Variants in JAG1 observed in about 807,000 individuals in gnomAD.
The protein encoded by JAG1 is jagged canonical Notch ligand 1, also known as protein jagged-1.
Under a neutral mutation model 148.7 loss-of-function variants are expected in JAG1, and 23 were observed. That is an observed-to-expected ratio of 0.15 (90% confidence interval 0.11 to 0.22). The LOEUF (loss-of-function observed/expected upper bound fraction) is 0.22, where lower values mean the gene tolerates loss of function less well. JAG1 is among the 10% of genes least tolerant of loss of function. JAG1 has a pLI of 1.00. For missense variants in JAG1, 1,054 were observed against 1,611.2 expected, an observed-to-expected ratio of 0.65 and a Z score of 5.92; for synonymous variants, 572 against 598.3, an observed-to-expected ratio of 0.96 and a Z score of 0.64.
intron 2 of JAG1, among the ~76,000 whole-genome samples, chr20:10,668,298 C>A (rs1489116217): frequency 6.6e-6 from 1 of 152,014 alleles, no homozygotes; most frequent in African/African-American, 2.4e-5. Flanking sequence ...TATCTTCCAA[C>A]AGTTGGAAGA....
chr20:10,667,903 G>A (rs2067466163), intron 2 of JAG1, among the ~76,000 whole-genome samples: 2 of 152,108 alleles, frequency 1.3e-5, no homozygotes, highest in South Asian at 4.1e-4. Context: ...CAACGGTCTG[G>A]TTCACACAGA....
Position 10,638,366 on chromosome 20 carries a change from A to C in JAG1, c.*1132T>G, listed in dbSNP as rs7828. ...GAAAAGAAATCAGAATTTACAAAGTAAGATTGGTGTGCTTCCAAGTTCACA... is the reference window on the plus strand; with the variant it reads ...GAAAAGAAATCAGAATTTACAAAGTCAGATTGGTGTGCTTCCAAGTTCACA... On this transcript the variant is annotated 3_prime_UTR_variant, in exon 26 of 26. Coordinates refer to ENST00000254958, the MANE Select transcript of JAG1 (RefSeq NM_000214.3). 0.27 allele frequency: 41,420 copies of C among 152,576 alleles called. 6,308 individuals are homozygous for C. Among genetic ancestry groups the C allele is most frequent in the Middle Eastern group, 0.34 (100 of 294 alleles). 9.5% of individuals were successfully genotyped at this position (152,576 alleles called of 1,614,324 possible). A position where few individuals can be genotyped will look rare whatever the true frequency, so the allele number is the denominator to read the frequency against.
intron 2 of JAG1, among the ~76,000 whole-genome samples, chr20:10,669,531 G>T (rs1452430493): frequency 1.1e-5 from 1 of 88,354 alleles, no homozygotes; most frequent in Non-Finnish European, 2.1e-5. Context: ...GAAGAATCAC[G>T]TTTCATTGGA....
At chr20:10,667,265 G>C (rs1467588037) in intron 2 of JAG1, among the ~76,000 whole-genome samples, 1 of 152,234 alleles carries the variant, frequency 6.6e-6, no homozygotes, top group South Asian at 2.1e-4. Context: ...AATGCCCGAC[G>C]TGCCAACGCG....
chr20:10,641,907 C>T lies in JAG1; in HGVS notation c.2573-15G>A, dbSNP rs753341715. ...TCTCCCTGAAACTGACAGGTGGAGACGGGTGAGCAGTTTATTTTTCTGTGA... is the reference window on the plus strand; with the variant it reads ...TCTCCCTGAAACTGACAGGTGGAGATGGGTGAGCAGTTTATTTTTCTGTGA... On this transcript the variant is annotated splice_polypyrimidine_tract_variant and intron_variant, in intron 21 of 25. Transcript: ENST00000254958. The T allele has an allele frequency of 1.2e-5, 18 of 1,536,612 alleles. No individual in the cohort carries two copies. Among genetic ancestry groups the T allele is most frequent in the Admixed American group, 1.0e-4 (6 of 59,904 alleles).
Position 10,648,070 on chromosome 20 carries a change from C to A in JAG1, c.1610G>T (p.Gly537Val), listed in dbSNP as rs1251308431. The A allele has an allele frequency of 2.5e-6, 4 of 1,614,018 alleles. No homozygotes were observed. The highest frequency in any genetic ancestry group is 3.4e-6 in the Non-Finnish European group (4 of 1,180,028). The change falls in exon 13 of 26, where the codon GGT becomes GTT. Residue 537 changes from glycine (G) to valine (V), a missense_variant. This residue lies in a region of JAG1 where 245 missense variants were observed against 373.1 expected (regional missense o/e 0.66). Transcript: ENST00000254958. Reference sequence around the variant, plus strand: ...ACTGGCACGGTTGTAGCACTGGGCACCGTTCTGGCAGGGATTAGGCTCACA... The same window carrying A: ...ACTGGCACGGTTGTAGCACTGGGCAACGTTCTGGCAGGGATTAGGCTCACA... ...DYCEPNPCQN[G>V]AQCYNRASDY... is the part of the protein sequence containing the mutation.
intron 13 of JAG1, chr20:10,647,351 G>T: frequency 1.8e-6 from 1 of 561,278 alleles, no homozygotes; most frequent in Non-Finnish European, 3.2e-6. Context: ...CATGCTTGTG[G>T]ATCCCCTTCA....
At chr20:10,642,673 T>A (rs2067281373) in intron 20 of JAG1, 72 bp from the exon 21 acceptor site, 1 of 891,338 alleles carries the variant, frequency 1.1e-6, no homozygotes, top group Middle Eastern at 2.1e-4. Flanking sequence ...TTTATTGACA[T>A]AACATACAAG....
rs1199378103 is a variant in JAG1, at chr20:10,647,971, G to T, written c.1709C>A (p.Thr570Asn). 6.2e-7 allele frequency: 1 copy of T among 1,614,156 alleles called. No homozygotes were observed. Among genetic ancestry groups the T allele is most frequent in the South Asian group, 1.1e-5 (1 of 91,072 alleles). Reference sequence around the variant, plus strand: ...GAGAAGGGAGGTACCTTCACAGGGGGTCGTGCGGCAGTGGTCTTTCAGGTG... The same window carrying T: ...GAGAAGGGAGGTACCTTCACAGGGGTTCGTGCGGCAGTGGTCTTTCAGGTG... Reference protein sequence around the residue: ...CSHLKDHCRTTPCEVIDSCTV... With the variant: ...CSHLKDHCRTNPCEVIDSCTV... The change falls in exon 13 of 26, where the codon ACC (threonine) becomes AAC (asparagine). Residue 570 changes from threonine (T) to asparagine (N), a missense_variant. By Grantham distance (65) the Thr-to-Asn change is moderately conservative (BLOSUM62 0). This residue lies in a region of JAG1 where 245 missense variants were observed against 373.1 expected (regional missense o/e 0.66). Coordinates refer to ENST00000254958, the MANE Select transcript of JAG1 (RefSeq NM_000214.3).
At position 10,646,879 on chromosome 20, in the gene JAG1, G is replaced by C. The variant is rs1023125439; in HGVS notation, c.1885+60C>G. On this transcript the variant is annotated intron_variant, in intron 14 of 25. Transcript: ENST00000254958. ...ATGATCCCAGGGTGGGCCAGGGGCA[G>C]AGGCAGGGGCAGGGGCAGGCTGGGG... The C allele has an allele frequency of 9.8e-6, 15 of 1,526,982 alleles. No homozygotes were observed. In the African/African-American group the frequency reaches 1.8e-4, roughly 18 times the overall value. 94.6% of individuals were successfully genotyped at this position (1,526,982 alleles called of 1,614,324 possible).
intron 3 of JAG1, among the ~76,000 whole-genome samples, chr20:10,663,372 A>C (rs1001796180): frequency 6.6e-6 from 1 of 152,214 alleles, no homozygotes; most frequent in South Asian, 2.1e-4. Flanking sequence ...CACCAAAACC[A>C]ACCCCTCAGT....
At chr20:10,661,848 TG>T (rs2067419481) in intron 3 of JAG1, among the ~76,000 whole-genome samples, 1 of 152,162 alleles carries the variant, frequency 6.6e-6, no homozygotes, top group African/African-American at 2.4e-5. Flanking sequence ...CAGATTCAAG[TG>T]AAGAGCTGGA....
intron 18 of JAG1, chr20:10,644,626 C>G (rs1395956419): frequency 1.6e-6 from 1 of 640,870 alleles, no homozygotes; most frequent in African/African-American, 1.8e-5. Flanking sequence ...TGGAAGGAGA[C>G]AGGCTGCTGG....
Position 10,647,953 on chromosome 20 carries a change from G to C in JAG1, c.1720+7C>G. On this transcript the variant is annotated splice_region_variant and intron_variant, in intron 13 of 25. Transcript: ENST00000254958. ...GAGACAGCCAGGTCCCGGGAGAAGG[G>C]AGGTACCTTCACAGGGGGTCGTGCG... 6.2e-7 allele frequency: 1 copy of C among 1,614,060 alleles called. No individual in the cohort carries two copies. The highest frequency in any genetic ancestry group is 1.1e-5 in the South Asian group (1 of 91,076).
At chr20:10,647,389 G>T in intron 13 of JAG1, 2 of 502,644 alleles carry the variant, frequency 4.0e-6, no homozygotes, top group East Asian at 3.8e-5. Context: ...ACCCAATTTG[G>T]TAAACACTTG....
intron 2 of JAG1, among the ~76,000 whole-genome samples, chr20:10,668,670 T>A (rs1452081476): frequency 6.9e-6 from 1 of 144,678 alleles, no homozygotes; most frequent in Non-Finnish European, 1.6e-5. Flanking sequence ...ACCTTGACAC[T>A]GTTTTTTTTT....
At chr20:10,668,542 G>A (rs568677338) in intron 2 of JAG1, among the ~76,000 whole-genome samples, 28 of 152,150 alleles carry the variant, frequency 1.8e-4, no homozygotes, top group African/African-American at 4.1e-4. Context: ...CTTGAAAGCC[G>A]GACATTGGGA....
chr20:10,641,776 G>A lies in JAG1; in HGVS notation c.2682+7C>T. 6.2e-7 allele frequency: 1 copy of A among 1,611,612 alleles called. No individual in the cohort carries two copies. Among genetic ancestry groups the A allele is most frequent in the Non-Finnish European group, 8.5e-7 (1 of 1,177,674 alleles). On this transcript the variant is annotated splice_region_variant and intron_variant, in intron 22 of 25. Coordinates refer to ENST00000254958, the MANE Select transcript of JAG1 (RefSeq NM_000214.3). ...ACAGGTGAACTGCGGCAGCCATCAT[G>A]TCCTACCTTTGAGCAGGCGATCCGT...
At chr20:10,664,412 A>ACACAC (rs398035347) in intron 2 of JAG1, among the ~76,000 whole-genome samples, 9 of 150,840 alleles carry the variant, frequency 6.0e-5, no homozygotes, top group Non-Finnish European at 1.2e-4. Flanking sequence ...ACACACACAC[A>ACACAC]AAGAATTTAT....
Sources: allele counts gnomAD v4.1 joint callset (sites outside exome capture counted in the v4.1 genomes callset), GRCh38; gene constraint gnomAD v4.1.1; regional missense constraint gnomAD v4.1.1; transcripts MANE v1.5; gene names NCBI Gene and HGNC (gene_info 2026-07-23, HGNC 2026-07-21).